Variants in DOCK1 observed in about 807,000 individuals in gnomAD.
DOCK1 encodes dedicator of cytokinesis protein 1.
Under a neutral mutation model 262.7 loss-of-function variants are expected in DOCK1, and 138 were observed. The observed-to-expected ratio is 0.53, with a 90% CI of 0.46 to 0.61. DOCK1 has a LOEUF of 0.61. Among genes scored for constraint, DOCK1 ranks in the 20% least tolerant of loss-of-function variants. The pLI, the probability that DOCK1 is intolerant of heterozygous loss-of-function variation, is 0.00. For synonymous variants in DOCK1, 866 were observed against 867.4 expected (o/e 1.00, Z 0.03); for missense variants, 1,908 against 2,370.7 (o/e 0.80, Z 4.05).
intron 23 of DOCK1, among the ~76,000 whole-genome samples, chr10:127,085,703 A>G (rs1436668943): frequency 2.6e-5 from 4 of 152,096 alleles, no homozygotes; most frequent in Non-Finnish European, 4.4e-5. Context: ...GGTTGCAGTG[A>G]GCCGAGATTG....
chr10:127,404,424 C>T lies in DOCK1; in HGVS notation c.4117C>T (p.Leu1373=). The change falls in exon 40 of 52, where the codon CTG becomes TTG. Residue 1373 remains leucine, a synonymous_variant. Transcript: ENST00000623213. The part of the protein sequence containing the change: ...GYYGQGFPTF[L]RGKVFIYRGK... ...CTACGGACAAGGGTTCCCCACATTCCTGCGGGTAAAGTTTGGTTCTGCCTA... is the reference window on the plus strand; with the variant it reads ...CTACGGACAAGGGTTCCCCACATTCTTGCGGGTAAAGTTTGGTTCTGCCTA... The T allele has an allele frequency of 2.5e-6, 4 of 1,613,220 alleles. No individual in the cohort carries two copies. The highest frequency in any genetic ancestry group is 2.2e-5 in the East Asian group (1 of 44,870).
intron 22 of DOCK1, among the ~76,000 whole-genome samples, chr10:127,055,214 C>T (rs1295126387): frequency 2.6e-5 from 4 of 151,968 alleles, no homozygotes; most frequent in Non-Finnish European, 4.4e-5. Context: ...GTTCCGAGTT[C>T]ATGCACCTGC....
At position 127,409,147 on chromosome 10, in the gene DOCK1, A is replaced by G; in HGVS notation, c.4233A>G (p.Pro1411=). The G allele has an allele frequency of 6.2e-7, 1 of 1,613,186 alleles. No individual in the cohort carries two copies. The highest frequency in any genetic ancestry group is 2.2e-5 in the East Asian group (1 of 44,862). Reference sequence around the variant, plus strand: ...AGAAAATGAAGACAACATCTCCACCAGGCGACGATATTAAAAACTCTCCTG... The same window carrying G: ...AGAAAATGAAGACAACATCTCCACCGGGCGACGATATTAAAAACTCTCCTG... ...NAEKMKTTSP[P]GDDIKNSPGQ... Residue 1411 remains proline (P), a synonymous_variant, in exon 41 of 52, where the codon CCA becomes CCG. Coordinates refer to ENST00000623213, the MANE Select transcript of DOCK1 (RefSeq NM_001290223.2).
At chr10:126,969,086 A>C (rs992983948) in intron 1 of DOCK1, among the ~76,000 whole-genome samples, 8 of 152,322 alleles carry the variant, frequency 5.3e-5, no homozygotes, top group African/African-American at 1.9e-4. Context: ...AACCAAAAGG[A>C]AGGCCTTCAC....
At chr10:126,948,950 G>A (rs2035903699) in intron 1 of DOCK1, among the ~76,000 whole-genome samples, 1 of 152,126 alleles carries the variant, frequency 6.6e-6, no homozygotes, top group African/African-American at 2.4e-5. Flanking sequence ...CCGCAAGCTG[G>A]GCTTTCAGAA....
intron 21 of DOCK1, among the ~76,000 whole-genome samples, chr10:127,045,647 C>T (rs2044297764): frequency 6.6e-6 from 1 of 152,206 alleles, no homozygotes; most frequent in South Asian, 2.1e-4. Context: ...AATGGGCAGT[C>T]CTCTTCCGCA....
At chr10:127,328,143 T>A (rs11017339) in intron 29 of DOCK1, among the ~76,000 whole-genome samples, 6,989 of 117,916 alleles carry the variant, frequency 0.059, 208 homozygotes, top group Non-Finnish European at 0.083. Flanking sequence ...AAAAAAAAAA[T>A]CGGTCTCAGT....
chr10:126,940,014 G>C (rs2034869846), intron 1 of DOCK1, among the ~76,000 whole-genome samples: 1 of 152,182 alleles, frequency 6.6e-6, no homozygotes, highest in Non-Finnish European at 1.5e-5. Flanking sequence ...TCTAGGGTAA[G>C]ACAGATTTGG....
chr10:127,156,982 A>C (rs1381586861), intron 27 of DOCK1, among the ~76,000 whole-genome samples: 1 of 152,228 alleles, frequency 6.6e-6, no homozygotes, highest in African/African-American at 2.4e-5. Context: ...GTACATACTA[A>C]GTGTGAAACA....
intron 27 of DOCK1, chr10:127,128,191 T>G (rs1487870053): frequency 6.6e-6 from 1 of 152,640 alleles, no homozygotes; most frequent in Non-Finnish European, 1.5e-5. Context: ...GCCTATTCAT[T>G]TTTTTCAAGA....
At chr10:126,969,489 G>A (rs2037930749) in intron 1 of DOCK1, among the ~76,000 whole-genome samples, 1 of 152,222 alleles carries the variant, frequency 6.6e-6, no homozygotes, top group Non-Finnish European at 1.5e-5. Flanking sequence ...CTGCCCTCTG[G>A]TGGCTTTTCT....
intron 49 of DOCK1, among the ~76,000 whole-genome samples, chr10:127,440,444 G>T (rs4750884): frequency 0.87 from 132,672 of 152,108 alleles, 58,006 homozygotes; most frequent in East Asian, 0.96. Context: ...TAGCTGTAGT[G>T]GGAAACAAAA....
At chr10:127,214,227 G>A (rs2058104353) in intron 27 of DOCK1, among the ~76,000 whole-genome samples, 2 of 152,018 alleles carry the variant, frequency 1.3e-5, no homozygotes, top group Non-Finnish European at 1.5e-5. Flanking sequence ...CATTCAGTGG[G>A]CCTCTCTGTA....
intron 29 of DOCK1, among the ~76,000 whole-genome samples, chr10:127,287,567 A>T (rs890456868): frequency 2.0e-5 from 3 of 152,220 alleles, no homozygotes; most frequent in African/African-American, 7.2e-5. Flanking sequence ...TGGATTTTGC[A>T]GATTGAATCC....
rs548074803 is a variant in DOCK1 at position 127,088,744 on chromosome 10, C to G, written c.2446-17487C>G. Among the ~76,000 whole-genome samples the G allele has an allele frequency of 1.9e-4, 29 of 150,808 alleles. No individual in the cohort carries two copies. The East Asian group carries it at 5.3e-3, about 27-fold the overall frequency. On this transcript the variant is annotated intron_variant, in intron 23 of 51. Coordinates refer to ENST00000623213, the MANE Select transcript of DOCK1 (RefSeq NM_001290223.2). Reference sequence around the variant, plus strand: ...TAATTGTATTGCACTTCAGAGTCACCCAGCCTGAAAGGGACTTAGAATCCC... The same window carrying G: ...TAATTGTATTGCACTTCAGAGTCACGCAGCCTGAAAGGGACTTAGAATCCC...
chr10:127,145,960 C>T (rs766627900), intron 27 of DOCK1: 2 of 513,412 alleles, frequency 3.9e-6, no homozygotes, highest in South Asian at 2.9e-5. Flanking sequence ...AGACGCCTAT[C>T]TGTGAGGAAG....
chr10:127,262,524 C>G (rs1428661000), intron 29 of DOCK1, among the ~76,000 whole-genome samples: 1 of 152,072 alleles, frequency 6.6e-6, no homozygotes. Context: ...ATATGCTGCC[C>G]TTTGTGTTGA....
intron 51 of DOCK1, among the ~76,000 whole-genome samples, chr10:127,447,867 C>T (rs1252630008): frequency 6.6e-6 from 1 of 152,188 alleles, no homozygotes. Context: ...ACTGGAGATG[C>T]AATTCTAATG....
chr10:127,175,951 C>T lies in DOCK1; in HGVS notation c.2847+48187C>T. The T allele has an allele frequency of 6.2e-7, 1 of 1,614,228 alleles. No homozygotes were observed. On this transcript the variant is annotated intron_variant, in intron 27 of 51. Transcript: ENST00000623213. This position sits in a 1 kb window ranked among gnomAD's most constrained non-coding sequence, Gnocchi z 6.3. ...TCCATGGGTCCAGCCTCGTTCTTCT[C>T]TTTCGCATCTGTTAGAAACCCATTG...
Sources: allele counts gnomAD v4.1 joint callset (sites outside exome capture counted in the v4.1 genomes callset), GRCh38; gene constraint gnomAD v4.1.1; non-coding constraint Gnocchi (gnomAD v3.1); transcripts MANE v1.5; gene names NCBI Gene and HGNC (gene_info 2026-07-23, HGNC 2026-07-21).